NPSR1: variants seen among roughly 807,000 people sequenced by gnomAD.
The protein encoded by NPSR1 is neuropeptide S receptor 1, also known as neuropeptide S receptor.
A neutral mutation model predicts 46.9 loss-of-function variants in NPSR1; 48 were observed. The observed-to-expected ratio is 1.02, with a 90% confidence interval of 0.81 to 1.30. NPSR1 has a LOEUF of 1.30. Ranked by LOEUF, NPSR1 falls within the 50% of genes most tolerant of loss-of-function variation. The probability of loss-of-function intolerance (pLI) is 0.00; values close to 1 mark genes in which losing one functional copy is unlikely to be tolerated. For missense variants in NPSR1, 450 were observed against 449.5 expected (o/e 1.00, Z -0.01); for synonymous variants, 176 against 168.1 (o/e 1.05, Z -0.36).
rs189895858 is a variant in NPSR1, at chr7:34,682,075, G to T, written c.148-2477G>T. On this transcript the variant is annotated intron_variant, in intron 1 of 8. Transcript: ENST00000360581. ...ATACTTTGAGAAGCACTTTCCAAAG[G>T]CCTCTGCCATGTGCAGCTGCTCATA... is the stretch of plus-strand genomic sequence containing the variant. Among the ~76,000 whole-genome samples the T allele has an allele frequency of 1.0e-3, 153 of 152,294 alleles. 1 individual carries two copies. The highest frequency in any genetic ancestry group is 2.6e-3 in the Admixed American group (40 of 15,306).
rs138301525 is a variant in NPSR1, at chr7:34,860,967, T to C, written c.1025+12304T>C. On this transcript the variant is annotated intron_variant, in intron 8 of 8. Transcript: ENST00000359791. ...AGCCGTTGCTGTAACACTGTTCTCT[T>C]GGACACAAAGCTGAGCTGGATGAGG... Among the ~76,000 whole-genome samples the C allele has an allele frequency of 1.3e-3, 193 of 152,024 alleles. 7 individuals carry two copies. Among genetic ancestry groups the C allele is most frequent in the African/African-American group, 4.6e-3 (191 of 41,278 alleles).
At chr7:34,860,300 A>G (rs1791158131) in intron 8 of NPSR1, among the ~76,000 whole-genome samples, 1 of 151,844 alleles carries the variant, frequency 6.6e-6, no homozygotes, top group Admixed American at 6.6e-5. Context: ...TTTGGCCTCA[A>G]AAAGACCAAA....
chr7:34,873,028 G>A (rs1791494137), intron 8 of NPSR1, among the ~76,000 whole-genome samples: 1 of 151,836 alleles, frequency 6.6e-6, no homozygotes, highest in Non-Finnish European at 1.5e-5. Flanking sequence ...TCTACTGCCA[G>A]ATACCCTAGG....
At chr7:34,815,243 GA>G (rs1317673744) in intron 4 of NPSR1, among the ~76,000 whole-genome samples, 1 of 152,166 alleles carries the variant, frequency 6.6e-6, no homozygotes, top group Non-Finnish European at 1.5e-5. Context: ...TGAAGGAGCT[GA>G]AAACCATGGC....
intron 1 of NPSR1, among the ~76,000 whole-genome samples, chr7:34,666,895 C>G (rs1482129000): frequency 6.6e-6 from 1 of 152,050 alleles, no homozygotes; most frequent in Non-Finnish European, 1.5e-5. Flanking sequence ...TTTGAGTAAC[C>G]AAGAAAGTAA....
intron 8 of NPSR1, among the ~76,000 whole-genome samples, chr7:34,875,681 G>A (rs1332909365): frequency 6.6e-6 from 1 of 152,204 alleles, no homozygotes; most frequent in Non-Finnish European, 1.5e-5. Context: ...ATTGTTAGGA[G>A]AGAATGAGGA....
intron 2 of NPSR1, chr7:34,686,227 C>T (rs1048505972): frequency 1.3e-5 from 2 of 152,330 alleles, no homozygotes; most frequent in East Asian, 1.9e-4. Context: ...GGCTTAATTT[C>T]ATGTACATCT....
intron 1 of NPSR1, among the ~76,000 whole-genome samples, chr7:34,659,407 T>C (rs1791343715): frequency 6.6e-6 from 1 of 152,202 alleles, no homozygotes; most frequent in African/African-American, 2.4e-5. Context: ...TTCAAAAAGA[T>C]TCTAGTTGTT....
chr7:34,771,635 G>C (rs1786689441), intron 2 of NPSR1, among the ~76,000 whole-genome samples: 1 of 152,194 alleles, frequency 6.6e-6, no homozygotes, highest in Admixed American at 6.5e-5. Context: ...GAATAAAGAA[G>C]AAAAGACACA....
chr7:34,701,489 A>G (rs1043076038), intron 2 of NPSR1, among the ~76,000 whole-genome samples: 10 of 152,340 alleles, frequency 6.6e-5, no homozygotes, highest in African/African-American at 2.2e-4. Context: ...CACAGTATGT[A>G]AGCTCTCAAA....
At chr7:34,792,567 ATATATG>A (rs763868921) in intron 3 of NPSR1, among the ~76,000 whole-genome samples, 5 of 130,296 alleles carry the variant, frequency 3.8e-5, no homozygotes, top group South Asian at 2.3e-4. Context: ...GTACATATAT[ATATATG>A]TGTGTGTGTA....
intron 1 of NPSR1, among the ~76,000 whole-genome samples, chr7:34,667,565 C>T (rs1791813306): frequency 6.6e-6 from 1 of 152,076 alleles, no homozygotes; most frequent in South Asian, 2.1e-4. Flanking sequence ...ACTCCATCCT[C>T]AAAGACTCTC....
At chr7:34,785,448 G>A (rs1172641133) in intron 3 of NPSR1, among the ~76,000 whole-genome samples, 1 of 150,458 alleles carries the variant, frequency 6.6e-6, no homozygotes, top group Non-Finnish European at 1.5e-5. Flanking sequence ...GAGTTAATGG[G>A]TGCAGCACAC....
chr7:34,719,272 C>T (rs1352772551), intron 2 of NPSR1: 1 of 152,326 alleles, frequency 6.6e-6, no homozygotes, highest in African/African-American at 2.4e-5. Context: ...CAAATACCCT[C>T]ACAGTATATG....
intron 2 of NPSR1, among the ~76,000 whole-genome samples, chr7:34,697,084 A>G (rs1793569509): frequency 6.6e-6 from 1 of 152,006 alleles, no homozygotes; most frequent in African/African-American, 2.4e-5. Context: ...ATAGATGTAC[A>G]AAATTGATAT....
chr7:34,834,158 T>A, intron 5 of NPSR1: 1 of 555,194 alleles, frequency 1.8e-6, no homozygotes, highest in Non-Finnish European at 3.2e-6. Flanking sequence ...TGCATAACTT[T>A]ACCAGGTCTT....
Position 34,815,101 on chromosome 7 carries a change from C to T in NPSR1, c.478+3238C>T, listed in dbSNP as rs141030189. On this transcript the variant is annotated intron_variant, in intron 4 of 8. Coordinates refer to ENST00000360581, the MANE Select transcript of NPSR1 (RefSeq NM_207172.2). ...TTGACAGAAGTAGGCTTCAGAAGGT[C>T]GGTAATAACAAACTACTCCTCCGAG... Among the ~76,000 whole-genome samples the T allele has an allele frequency of 2.1e-3, 314 of 152,146 alleles. 2 individuals are homozygous for T. Among genetic ancestry groups the T allele is most frequent in the African/African-American group, 7.3e-3 (303 of 41,498 alleles).
In NPSR1 at chr7:34,662,598, G is replaced by A. The variant is rs11980520; in HGVS notation, c.147+4039G>A. ...TTTTTATTCTTTTCTAATTAGTCTC[G>A]CTCAGTATGTTCAATTTGAGTTTCT... On this transcript the variant is annotated intron_variant, in intron 1 of 8. Transcript: ENST00000360581. Among the ~76,000 whole-genome samples the A allele has an allele frequency of 2.8e-3, 431 of 152,142 alleles. 4 individuals carry two copies. Among genetic ancestry groups the A allele is most frequent in the African/African-American group, 1.0e-2 (413 of 41,492 alleles).
At chr7:34,763,879 C>T (rs757434095) in intron 2 of NPSR1, among the ~76,000 whole-genome samples, 1 of 152,204 alleles carries the variant, frequency 6.6e-6, no homozygotes, top group Non-Finnish European at 1.5e-5. Context: ...ACTTAACAAA[C>T]CTGTCAATTT....
Sources: allele counts gnomAD v4.1 joint callset (sites outside exome capture counted in the v4.1 genomes callset), GRCh38; gene constraint gnomAD v4.1.1; transcripts MANE v1.5; gene names NCBI Gene and HGNC (gene_info 2026-07-23, HGNC 2026-07-21).